The following SNED1 variants were observed in gnomAD, a reference collection of about 807,000 sequenced individuals.
The protein encoded by SNED1 is sushi, nidogen and EGF like domains 1.
SNED1 carries 81 observed loss-of-function variants against 166.7 expected under a neutral mutation model. The ratio of observed to expected loss-of-function variants is 0.49; its 90% CI spans 0.41 to 0.58. SNED1 has a LOEUF of 0.58. SNED1 is among the 20% of genes least tolerant of loss of function. SNED1 has a pLI of 0.00. For synonymous variants in SNED1, 762 were observed against 822.0 expected (o/e 0.93, Z 1.25); for missense variants, 1,604 against 2,000.2 (o/e 0.80, Z 3.78).
chr2:241,037,440 G>A, intron 6 of SNED1, 87 bp downstream of exon 6: 1 of 928,134 alleles, frequency 1.1e-6, no homozygotes, highest in East Asian at 2.6e-5. Context: ...GTCTTGGAAG[G>A]TCCAGCAGCT....
intron 1 of SNED1, chr2:241,010,606 G>A: frequency 6.6e-6 from 1 of 152,366 alleles, no homozygotes; most frequent in East Asian, 1.9e-4. Context: ...AGGGGTCAGA[G>A]CATCCCCTCC....
intron 12 of SNED1, among the ~76,000 whole-genome samples, chr2:241,050,432 C>T (rs755763019): frequency 6.6e-6 from 1 of 152,112 alleles, no homozygotes; most frequent in East Asian, 1.9e-4. Flanking sequence ...CACCCCCAGA[C>T]CTGTTCAGCA....
intron 30 of SNED1, chr2:241,088,110 A>G (rs1804998): frequency 0.24 from 120,809 of 496,776 alleles, 22,809 homozygotes; most frequent in African/African-American, 0.67. Context: ...TCCCACGTCC[A>G]TCCTCTCTCT....
chr2:241,088,394 AATCTT>A lies in SNED1; in HGVS notation c.4237_4241del (p.Ser1413ArgfsTer3). ...CAAAGTAAGAGTCAGACACTGGAGA[AATCTT>A]AAGGTACGTCCCTGCTGCTCCCGCC... is the stretch of plus-strand genomic sequence containing the variant. On this transcript the variant is annotated frameshift_variant and stop_lost, in exon 31 of 32. Coordinates refer to ENST00000310397, the MANE Select transcript of SNED1 (RefSeq NM_001080437.3). LOFTEE classifies it high-confidence loss of function. The A allele has an allele frequency of 6.2e-7, 1 of 1,612,290 alleles. No individual in the cohort carries two copies. The highest frequency in any genetic ancestry group is 8.5e-7 in the Non-Finnish European group (1 of 1,178,378).
intron 1 of SNED1, among the ~76,000 whole-genome samples, chr2:241,011,161 G>A (rs956409009): frequency 7.5e-4 from 111 of 147,636 alleles, no homozygotes; most frequent in African/African-American, 2.5e-3. Context: ...TCTCCTGGGG[G>A]TGGCAGGTCT....
intron 1 of SNED1, among the ~76,000 whole-genome samples, chr2:241,007,115 A>G (rs2060241745): frequency 6.6e-6 from 1 of 152,252 alleles, no homozygotes; most frequent in South Asian, 2.1e-4. Flanking sequence ...GCTTTGCATC[A>G]GTGTTAAATT....
intron 1 of SNED1, among the ~76,000 whole-genome samples, chr2:241,019,520 A>G (rs1002913123): frequency 3.0e-4 from 46 of 152,330 alleles, no homozygotes; most frequent in Middle Eastern, 6.8e-3. Flanking sequence ...ACAGTGAGGC[A>G]GGGAGGCCAG....
intron 15 of SNED1, among the ~76,000 whole-genome samples, chr2:241,052,732 C>G (rs1368393161): frequency 1.5e-3 from 66 of 43,914 alleles, no homozygotes; most frequent in African/African-American, 4.4e-3. Context: ...GATACCAGTG[C>G]CAGGCAGGTG....
intron 31 of SNED1, among the ~76,000 whole-genome samples, chr2:241,089,824 C>T (rs1205816444): frequency 6.6e-6 from 1 of 152,288 alleles, no homozygotes; most frequent in Admixed American, 6.5e-5. Flanking sequence ...GCGTACTGCG[C>T]ACCTAGGCTG....
At position 241,069,046 on chromosome 2, in the gene SNED1, C is replaced by A. The variant is rs548980870; in HGVS notation, c.3307+23C>A. ...CCCGTGAGTAGAGCAGCGCGGCCCC[C>A]GGCACACGAAAGGCCGTCTTCTAGA... On this transcript the variant is annotated intron_variant, in intron 23 of 31. Coordinates refer to ENST00000310397, the MANE Select transcript of SNED1 (RefSeq NM_001080437.3). The surrounding 1 kb of genome is among the most constrained non-coding windows in gnomAD (Gnocchi z 4.9). The A allele has an allele frequency of 2.7e-6, 4 of 1,497,420 alleles. No homozygotes were observed. Among genetic ancestry groups the A allele is most frequent in the Non-Finnish European group, 3.6e-6 (4 of 1,104,366 alleles). The allele number at this position is 1,497,420 out of a possible 1,614,324, so 92.8% of individuals were successfully genotyped here.
intron 6 of SNED1, among the ~76,000 whole-genome samples, chr2:241,038,159 C>G (rs2061430017): frequency 6.6e-6 from 1 of 152,076 alleles, no homozygotes; most frequent in Admixed American, 6.5e-5. Flanking sequence ...GCACCGTGAC[C>G]TGCTGCTCCC....
Position 241,034,792 on chromosome 2 carries a change from G to A in SNED1, c.805+62G>A. Reference sequence around the variant, plus strand: ...GCTGAGGAAGGGGGTTGATGGCAGAGGAGAGGTGGAGACGAAGGGGGCTGG... The same window carrying A: ...GCTGAGGAAGGGGGTTGATGGCAGAAGAGAGGTGGAGACGAAGGGGGCTGG... On this transcript the variant is annotated intron_variant, in intron 4 of 31. Coordinates refer to ENST00000310397, the MANE Select transcript of SNED1 (RefSeq NM_001080437.3). 5.5e-6 allele frequency: 8 copies of A among 1,463,802 alleles called. No individual in the cohort carries two copies. In the South Asian group the frequency reaches 9.6e-5, roughly 18 times the overall value. 90.7% of individuals were successfully genotyped at this position (1,463,802 alleles called of 1,614,324 possible). A position where few individuals can be genotyped will look rare whatever the true frequency, so the allele number is the denominator to read the frequency against.
At chr2:241,050,345 G>C (rs994153778) in intron 12 of SNED1, among the ~76,000 whole-genome samples, 1 of 152,180 alleles carries the variant, frequency 6.6e-6, no homozygotes, top group Non-Finnish European at 1.5e-5. Flanking sequence ...CACTGCAGGC[G>C]TAGCTATCCC....
At position 241,073,355 on chromosome 2, in the gene SNED1, G is replaced by A. The variant is rs748131977; in HGVS notation, c.3907G>A (p.Asp1303Asn). ...CCAGCTCCCTGAACACGGCAGCAAGGACATCGGAAGTGAGTCAGCAGCGCT... is the reference window on the plus strand; with the variant it reads ...CCAGCTCCCTGAACACGGCAGCAAGAACATCGGAAGTGAGTCAGCAGCGCT... ...ALQLPEHGSK[D>N]IGNVPGNCSE... Residue 1303 changes from aspartate to asparagine, a missense_variant, in exon 27 of 32, where the codon GAC becomes AAC. By Grantham distance (23) the Asp-to-Asn change is conservative. Transcript: ENST00000310397. The surrounding 1 kb of genome is among the most constrained non-coding windows in gnomAD (Gnocchi z 6.6). The A allele has an allele frequency of 6.4e-7, 1 of 1,568,988 alleles. No homozygotes were observed. Among genetic ancestry groups the A allele is most frequent in the South Asian group, 1.2e-5 (1 of 85,002 alleles).
rs1312042991 is a variant in SNED1 at position 241,094,470 on chromosome 2, T to A, written c.*2834T>A. 2.1e-6 allele frequency: 1 copy of A among 465,844 alleles called. No individual in the cohort carries two copies. The highest frequency in any genetic ancestry group is 4.5e-6 in the Non-Finnish European group (1 of 224,054). 28.9% of individuals were successfully genotyped at this position (465,844 alleles called of 1,614,324 possible). ...AAAGCACCTAGATTTCAGTGCTGAA[T>A]CCCCACAATTGCATGCAGCTCACAC... On this transcript the variant is annotated 3_prime_UTR_variant, in exon 32 of 32. Transcript: ENST00000310397. This position sits in a 1 kb window ranked among gnomAD's most constrained non-coding sequence, Gnocchi z 4.3.
intron 1 of SNED1, among the ~76,000 whole-genome samples, chr2:241,026,573 A>G (rs2060977052): frequency 6.6e-6 from 1 of 152,162 alleles, no homozygotes; most frequent in African/African-American, 2.4e-5. Context: ...ATTCTTTCTT[A>G]ATGCATCAAG....
At chr2:241,021,220 C>T (rs2060763394) in intron 1 of SNED1, among the ~76,000 whole-genome samples, 1 of 152,210 alleles carries the variant, frequency 6.6e-6, no homozygotes, top group African/African-American at 2.4e-5. Context: ...CTCTTCCCCA[C>T]CACTGCGCTT....
chr2:241,025,777 T>A (rs184811544), intron 1 of SNED1, among the ~76,000 whole-genome samples: 1 of 152,160 alleles, frequency 6.6e-6, no homozygotes, highest in South Asian at 2.1e-4. Context: ...TTTTAGCACG[T>A]TGAAAATATG....
At chr2:241,067,106 G>A (rs1462737544) in intron 21 of SNED1, among the ~76,000 whole-genome samples, 1 of 152,238 alleles carries the variant, frequency 6.6e-6, no homozygotes, top group African/African-American at 2.4e-5. Flanking sequence ...GGTATCTGGA[G>A]TGAAGACAGA....
Sources: gnomAD v4.1 joint callset for allele counts (sites outside exome capture counted in the v4.1 genomes callset) on GRCh38, gnomAD v4.1.1 for gene constraint, Gnocchi (gnomAD v3.1) non-coding constraint, MANE v1.5 for transcripts, NCBI Gene and HGNC (gene_info 2026-07-23, HGNC 2026-07-21) for gene names.